The following SLC39A8 variants were observed in gnomAD, a reference collection of about 807,000 sequenced individuals.
SLC39A8 encodes the protein metal cation symporter ZIP8.
Under a neutral mutation model 40.4 loss-of-function variants are expected in SLC39A8, and 15 were observed. That is an observed-to-expected ratio of 0.37 (90% CI 0.25 to 0.57). SLC39A8 has a LOEUF of 0.57. Ranked by LOEUF, SLC39A8 falls within the 20% of genes least tolerant of loss-of-function variation. The probability of loss-of-function intolerance (pLI) is 0.75; values close to 1 mark genes in which losing one functional copy is unlikely to be tolerated. For synonymous variants in SLC39A8, 223 were observed against 221.6 expected, an observed-to-expected ratio of 1.01 and a Z score of -0.06; for missense variants, 472 against 558.8, an observed-to-expected ratio of 0.84 and a Z score of 1.57.
intron 2 of SLC39A8, among the ~76,000 whole-genome samples, chr4:102,325,905 G>A (rs1735175752): frequency 6.6e-6 from 1 of 152,170 alleles, no homozygotes; most frequent in Non-Finnish European, 1.5e-5. Context: ...AACATTTTCT[G>A]TCTTTGTCAT....
intron 6 of SLC39A8, among the ~76,000 whole-genome samples, chr4:102,280,577 T>C (rs1732826717): frequency 2.0e-5 from 3 of 152,362 alleles, no homozygotes; most frequent in Admixed American, 1.3e-4. Context: ...ATTTTATAGC[T>C]GGTGATTACT....
At chr4:102,317,050 A>G (rs1191814195) in intron 2 of SLC39A8, among the ~76,000 whole-genome samples, 1 of 152,128 alleles carries the variant, frequency 6.6e-6, no homozygotes, top group African/African-American at 2.4e-5. Context: ...GAGAAAATAA[A>G]TTTCTGTTGC....
In SLC39A8 at chr4:102,267,615, A is replaced by C. The variant is rs760815527; in HGVS notation, c.1108T>G (p.Phe370Val). 5 of 1,613,790 alleles carry C rather than the reference A, an allele frequency of 3.1e-6. No individual in the cohort carries two copies. The highest frequency in any genetic ancestry group is 4.2e-6 in the Non-Finnish European group (5 of 1,179,966). The stretch of plus-strand genomic sequence containing the variant: ...ACATAGCAGGAACATGCAGAAAGGA[A>C]GTTGAATAGCAAGGCTTGTCGAGTG... ...MSTRQALLFN[F>V]LSACSCYVGL... The change falls in exon 8 of 9, where the codon TTC (phenylalanine) becomes GTC (valine). Residue 370 changes from phenylalanine (F) to valine (V), a missense_variant. Phe to Val is a conservative substitution (Grantham distance 50, BLOSUM62 -1). This residue lies in a region of SLC39A8 where 239 missense variants were observed against 317.9 expected (regional missense o/e 0.75). Transcript: ENST00000356736.
At position 102,262,634 on chromosome 4, in the gene SLC39A8, T is replaced by C; in HGVS notation, c.*410A>G. On this transcript the variant is annotated 3_prime_UTR_variant, in exon 9 of 9. Coordinates refer to ENST00000356736, the MANE Select transcript of SLC39A8 (RefSeq NM_001135146.2). ...CTTGAAAGCACTAGAACAAATTAAT[T>C]GAAATAAAACCTCTCTGAAACCATT... is the stretch of plus-strand genomic sequence containing the variant. The C allele has an allele frequency of 2.0e-6, 2 of 987,264 alleles. No homozygotes were observed. Among genetic ancestry groups the C allele is most frequent in the Middle Eastern group, 5.2e-4 (1 of 1,922 alleles). 61.2% of individuals were successfully genotyped at this position (987,264 alleles called of 1,614,324 possible).
chr4:102,314,723 A>G (rs1734583342), intron 3 of SLC39A8, among the ~76,000 whole-genome samples: 1 of 152,034 alleles, frequency 6.6e-6, no homozygotes, highest in African/African-American at 2.4e-5. Flanking sequence ...TCCTTGATCT[A>G]TCTAAGATGA....
intron 2 of SLC39A8, among the ~76,000 whole-genome samples, chr4:102,343,803 T>A (rs952481190): frequency 7.9e-5 from 12 of 152,306 alleles, no homozygotes; most frequent in East Asian, 3.9e-4. Context: ...AAAATTTTTT[T>A]AATCATTTTG....
At chr4:102,255,780 C>A (rs1171190203) in intron 11 of SLC39A8, among the ~76,000 whole-genome samples, 1 of 152,178 alleles carries the variant, frequency 6.6e-6, no homozygotes, top group Non-Finnish European at 1.5e-5. Context: ...GATTTTAATA[C>A]CACTTTCACC....
chr4:102,286,787 A>T (rs569695576), intron 6 of SLC39A8, among the ~76,000 whole-genome samples: 12 of 152,316 alleles, frequency 7.9e-5, no homozygotes, highest in South Asian at 2.1e-4. Flanking sequence ...ACTGGTAATC[A>T]AAACTAACAA....
At chr4:102,321,162 C>G (rs1015953095) in intron 2 of SLC39A8, among the ~76,000 whole-genome samples, 1 of 151,802 alleles carries the variant, frequency 6.6e-6, no homozygotes, top group Non-Finnish European at 1.5e-5. Context: ...TCTATAAAAC[C>G]AGAGAGGAAA....
chr4:102,316,626 T>C (rs891686922), intron 2 of SLC39A8, among the ~76,000 whole-genome samples: 4 of 152,198 alleles, frequency 2.6e-5, no homozygotes, highest in African/African-American at 9.7e-5. Context: ...ATAAGAATTA[T>C]AGTGTGAAAA....
intron 2 of SLC39A8, among the ~76,000 whole-genome samples, chr4:102,339,290 G>A (rs1266807279): frequency 1.3e-5 from 2 of 151,350 alleles, no homozygotes; most frequent in Non-Finnish European, 2.9e-5. Context: ...ATTCCTAGAA[G>A]GTTTACCCCC....
chr4:102,290,192 T>C (rs764384568), intron 6 of SLC39A8, among the ~76,000 whole-genome samples: 15 of 152,140 alleles, frequency 9.9e-5, no homozygotes, highest in Non-Finnish European at 2.2e-4. Context: ...GCTTGGATGA[T>C]CAGTAGCACT....
chr4:102,268,176 G>A, intron 6 of SLC39A8, 97 bp from the exon 7 acceptor site: 3 of 1,258,322 alleles, frequency 2.4e-6, no homozygotes, highest in Non-Finnish European at 3.4e-6. Flanking sequence ...AAAACAAATT[G>A]TTCCAACAGA....
intron 3 of SLC39A8, among the ~76,000 whole-genome samples, chr4:102,314,109 C>T (rs968920556): frequency 7.9e-5 from 12 of 152,164 alleles, no homozygotes; most frequent in South Asian, 4.1e-4. Context: ...TTCTCCATCC[C>T]GGGAAATGGT....
At chr4:102,326,344 A>G (rs909336987) in intron 2 of SLC39A8, among the ~76,000 whole-genome samples, 2 of 152,050 alleles carry the variant, frequency 1.3e-5, no homozygotes, top group Non-Finnish European at 2.9e-5. Context: ...GGCAGATCAC[A>G]AGGTCAGGAG....
At chr4:102,286,934 C>T (rs1340404807) in intron 6 of SLC39A8, among the ~76,000 whole-genome samples, 3 of 152,092 alleles carry the variant, frequency 2.0e-5, no homozygotes, top group Non-Finnish European at 4.4e-5. Flanking sequence ...ATGGAGCAAA[C>T]ATGAGCTTGG....
chr4:102,297,952 A>G lies in SLC39A8; in HGVS notation c.840+6365T>C, dbSNP rs569067233. Among the ~76,000 whole-genome samples the G allele has an allele frequency of 2.0e-5, 3 of 152,046 alleles. No homozygotes were observed. The South Asian group carries it at 6.2e-4, about 32-fold the overall frequency. ...AAACAAAACAAAACTGGAAGAGGCC[A>G]CAGGAAAGATGAGAATATTTAGAGG... On this transcript the variant is annotated intron_variant, in intron 6 of 8. Transcript: ENST00000356736.
intron 6 of SLC39A8, among the ~76,000 whole-genome samples, chr4:102,275,800 G>A (rs1732591651): frequency 6.6e-6 from 1 of 152,154 alleles, no homozygotes; most frequent in South Asian, 2.1e-4. Flanking sequence ...AGACCATAGT[G>A]CAATCAAATT....
At chr4:102,326,951 A>G (rs1400256182) in intron 2 of SLC39A8, among the ~76,000 whole-genome samples, 3 of 152,128 alleles carry the variant, frequency 2.0e-5, no homozygotes, top group Admixed American at 1.3e-4. Flanking sequence ...CCTTGCACAC[A>G]CACATACCAA....
Sources: allele counts gnomAD v4.1 joint callset (sites outside exome capture counted in the v4.1 genomes callset), GRCh38; gene constraint gnomAD v4.1.1; regional missense constraint gnomAD v4.1.1; transcripts MANE v1.5; gene names NCBI Gene and HGNC (gene_info 2026-07-23, HGNC 2026-07-21).